Variants in RP1 observed in about 807,000 individuals in gnomAD.
RP1 encodes RP1 axonemal microtubule associated.
In RP1, 16 loss-of-function variants were observed where a neutral mutation model predicts 14.8. That is an observed-to-expected ratio of 1.08 (90% CI 0.73 to 1.65). The LOEUF (loss-of-function observed/expected upper bound fraction) is 1.65. Among genes scored for constraint, RP1 ranks in the 40% most tolerant of loss-of-function variants. The probability of loss-of-function intolerance (pLI) is 0.00; values close to 1 mark genes in which losing one functional copy is unlikely to be tolerated. For synonymous variants in RP1, 876 were observed against 883.6 expected, an observed-to-expected ratio of 0.99 and a Z score of 0.15; for missense variants, 2,631 against 2,535.0, an observed-to-expected ratio of 1.04 and a Z score of -0.81.
chr8:54,691,931 G>A (rs892451219), intron 12 of RP1, among the ~76,000 whole-genome samples: 29 of 151,784 alleles, frequency 1.9e-4, no homozygotes, highest in Admixed American at 1.4e-3. Flanking sequence ...TCGTCATTTA[G>A]CATTAGGTAT....
intron 19 of RP1, among the ~76,000 whole-genome samples, chr8:54,748,801 A>T (rs1166288551): frequency 6.6e-6 from 1 of 152,220 alleles, no homozygotes; most frequent in East Asian, 1.9e-4. Context: ...ATTTTTTCAG[A>T]AAAAGCTTTG....
chr8:54,746,427 A>T (rs529801067), intron 19 of RP1, among the ~76,000 whole-genome samples: 9 of 152,176 alleles, frequency 5.9e-5, no homozygotes, highest in Non-Finnish European at 1.0e-4. Flanking sequence ...TTTCAGCCAT[A>T]TTAATGCACA....
chr8:54,594,717 A>G (rs1325499084), intron 1 of RP1, among the ~76,000 whole-genome samples: 1 of 152,240 alleles, frequency 6.6e-6, no homozygotes, highest in Non-Finnish European at 1.5e-5. Context: ...ATTGAAACAC[A>G]GAATTCTAAG....
At chr8:54,570,126 G>A (rs1804489952) in intron 1 of RP1, among the ~76,000 whole-genome samples, 1 of 152,090 alleles carries the variant, frequency 6.6e-6, no homozygotes. Context: ...TACCCTGTGT[G>A]GCAGCTGCTG....
At chr8:54,833,966 A>T (rs1811598707) in intron 24 of RP1, among the ~76,000 whole-genome samples, 1 of 152,114 alleles carries the variant, frequency 6.6e-6, no homozygotes, top group Admixed American at 6.6e-5. Flanking sequence ...ATCAACAGCT[A>T]TATGATTTAT....
At chr8:54,819,782 A>G (rs948739037) in intron 24 of RP1, among the ~76,000 whole-genome samples, 7 of 152,124 alleles carry the variant, frequency 4.6e-5, no homozygotes, top group Non-Finnish European at 7.4e-5. Context: ...TATCTGGAAT[A>G]CCAGGCAGAG....
At chr8:54,786,442 T>A (rs1810319502) in intron 24 of RP1, among the ~76,000 whole-genome samples, 1 of 152,080 alleles carries the variant, frequency 6.6e-6, no homozygotes, top group Admixed American at 6.6e-5. Flanking sequence ...TGTGTTTAGG[T>A]GTAGATCACC....
At chr8:54,762,383 G>A (rs1237658091) in intron 22 of RP1, among the ~76,000 whole-genome samples, 4 of 152,134 alleles carry the variant, frequency 2.6e-5, no homozygotes, top group African/African-American at 9.7e-5. Context: ...GGCTGCCTGC[G>A]AGTGTGCGCA....
chr8:54,834,244 T>C (rs1811605780), intron 24 of RP1, among the ~76,000 whole-genome samples: 1 of 152,076 alleles, frequency 6.6e-6, no homozygotes, highest in African/African-American at 2.4e-5. Context: ...ATCATAACTC[T>C]AGATAATCAA....
chr8:54,843,859 G>A lies in RP1; in HGVS notation c.3835+6190G>A, dbSNP rs147312820. Among the ~76,000 whole-genome samples the A allele has an allele frequency of 2.5e-3, 378 of 152,196 alleles. 1 individual carries two copies. The highest frequency in any genetic ancestry group is 3.7e-3 in the South Asian group (18 of 4,820). ...AAGGGGGCACCTGAGGAGTCCCTGG[G>A]GCAGTCATTAGTGTTACCTAGGCGC... is the stretch of plus-strand genomic sequence containing the variant. On this transcript the variant is annotated intron_variant, in intron 25 of 28. Transcript: ENST00000637698.
exon 23 of RP1, chr8:54,769,943 C>T (rs1462248575): frequency 6.8e-6 from 4 of 590,624 alleles, no homozygotes; most frequent in African/African-American, 5.6e-5. Flanking sequence ...GTATTCCTCA[C>T]AGTGAAATAA....
intron 24 of RP1, among the ~76,000 whole-genome samples, chr8:54,822,475 C>G (rs1188230668): frequency 6.6e-6 from 1 of 152,120 alleles, no homozygotes; most frequent in Non-Finnish European, 1.5e-5. Flanking sequence ...TGGGTAAATT[C>G]CATCTCTTCT....
intron 8 of RP1, among the ~76,000 whole-genome samples, chr8:54,676,346 G>A (rs1008711641): frequency 6.6e-6 from 1 of 152,230 alleles, no homozygotes; most frequent in African/African-American, 2.4e-5. Flanking sequence ...GGAGAGGGTA[G>A]TAGGGGTTTT....
chr8:54,701,683 A>G (rs1243424522), intron 14 of RP1: 2 of 1,531,318 alleles, frequency 1.3e-6, no homozygotes, highest in South Asian at 2.4e-5. Context: ...GAAAGTTATT[A>G]AAGTTTATAT....
intron 16 of RP1, chr8:54,720,396 C>A: frequency 8.9e-7 from 1 of 1,128,078 alleles, no homozygotes; most frequent in Non-Finnish European, 1.2e-6. Flanking sequence ...TTTTACTAAG[C>A]AAATCTCTGC....
chr8:54,621,014 T>A lies in RP1; in HGVS notation c.48T>A (p.Ser16=). ...STGFSIIHPT[S]SEGQVPPPRH... is the part of the protein sequence containing the mutation. ...GTTTTTCCATCATTCATCCTACGTC[T>A]TCTGAAGGTCAAGTTCCACCCCCTC... The change falls in exon 2 of 4, where the codon TCT becomes TCA. Residue 16 remains serine (S), a synonymous_variant. Transcript: ENST00000220676. 1 of 1,614,188 alleles carries A rather than the reference T, an allele frequency of 6.2e-7. No individual in the cohort carries two copies. The highest frequency in any genetic ancestry group is 1.6e-4 in the Middle Eastern group (1 of 6,062).
chr8:54,787,545 CT>C (rs1390680167), intron 24 of RP1, among the ~76,000 whole-genome samples: 1 of 152,130 alleles, frequency 6.6e-6, no homozygotes, highest in Non-Finnish European at 1.5e-5. Flanking sequence ...ATATTATTTA[CT>C]TATAAACCTG....
chr8:54,608,072 C>T (rs964304851), intron 1 of RP1, among the ~76,000 whole-genome samples: 1 of 152,120 alleles, frequency 6.6e-6, no homozygotes. Context: ...GTCTGACACT[C>T]CCCAGTGATA....
At chr8:54,865,553 TTC>T (rs1405380396) in intron 27 of RP1, among the ~76,000 whole-genome samples, 1 of 152,198 alleles carries the variant, frequency 6.6e-6, no homozygotes, top group Admixed American at 6.5e-5. Context: ...GTGAATTTAC[TTC>T]TCTCTTTATT....
Sources: allele counts gnomAD v4.1 joint callset (sites outside exome capture counted in the v4.1 genomes callset), GRCh38; gene constraint gnomAD v4.1.1; transcripts MANE v1.5; gene names NCBI Gene and HGNC (gene_info 2026-07-23, HGNC 2026-07-21).